The following PPP1R16B variants were observed in gnomAD, a reference collection of about 807,000 sequenced individuals.
PPP1R16B encodes the protein protein phosphatase 1 regulatory subunit 16B.
In PPP1R16B, 14 loss-of-function variants were observed where a neutral mutation model predicts 61.7. The observed-to-expected ratio is 0.23, with a 90% CI of 0.15 to 0.35. The LOEUF (loss-of-function observed/expected upper bound fraction) is 0.35. Among genes scored for constraint, PPP1R16B ranks in the 10% least tolerant of loss-of-function variants. PPP1R16B has a pLI of 1.00. For synonymous variants in PPP1R16B, 266 were observed against 305.3 expected, an observed-to-expected ratio of 0.87 and a Z score of 1.34; for missense variants, 547 against 752.5, an observed-to-expected ratio of 0.73 and a Z score of 3.19.
chr20:38,889,496 C>A, intron 2 of PPP1R16B, 99 bp from the exon 3 acceptor site: 1 of 1,070,570 alleles, frequency 9.3e-7, no homozygotes, highest in Non-Finnish European at 1.4e-6. Context: ...TTACTACATT[C>A]TTCATAGGCC....
chr20:38,894,852 C>T (rs1413618274), intron 3 of PPP1R16B, among the ~76,000 whole-genome samples: 2 of 152,230 alleles, frequency 1.3e-5, no homozygotes, highest in East Asian at 1.9e-4. Context: ...TAGGAGGCTG[C>T]AGGCTGCTGG....
At chr20:38,832,639 C>A (rs1185982049) in intron 1 of PPP1R16B, among the ~76,000 whole-genome samples, 1 of 152,118 alleles carries the variant, frequency 6.6e-6, no homozygotes, top group African/African-American at 2.4e-5. Flanking sequence ...TAAACATGTG[C>A]CAGGCGCGGG....
chr20:38,820,808 G>A (rs1010245812), intron 1 of PPP1R16B, among the ~76,000 whole-genome samples: 7 of 151,742 alleles, frequency 4.6e-5, no homozygotes, highest in Non-Finnish European at 1.0e-4. Flanking sequence ...CGAGGTGGGC[G>A]GATCATGAGG....
intron 1 of PPP1R16B, among the ~76,000 whole-genome samples, chr20:38,833,908 T>C (rs895691421): frequency 7.9e-5 from 12 of 152,176 alleles, no homozygotes; most frequent in African/African-American, 2.9e-4. Flanking sequence ...GAAAGGGCTT[T>C]TGGAGGGGCG....
intron 2 of PPP1R16B, among the ~76,000 whole-genome samples, chr20:38,859,443 C>T (rs1377958217): frequency 2.0e-5 from 3 of 152,132 alleles, no homozygotes; most frequent in Admixed American, 6.5e-5. Context: ...TGGCTCTGCC[C>T]GCTAGATCAG....
Position 38,806,075 on chromosome 20 carries a change from GGCTGCGGCCGTCGTAGACCGA to G in PPP1R16B, c.-102+284_-102+304del, listed in dbSNP as rs2084658378. ...GGAGGGGGCGCATTGGCAGGTTGTT[GGCTGCGGCCGTCGTAGACCGA>G]TCTTGGGGCGGGGAGGTGGGGTCCT... is the stretch of plus-strand genomic sequence containing the variant. On this transcript the variant is annotated intron_variant, in intron 1 of 10. Transcript: ENST00000299824. The surrounding 1 kb of genome is among the most constrained non-coding windows in gnomAD (Gnocchi z 4.5). Among the ~76,000 whole-genome samples the G allele has an allele frequency of 6.6e-6, 1 of 151,978 alleles. No individual in the cohort carries two copies. Among genetic ancestry groups the G allele is most frequent in the Admixed American group, 6.5e-5 (1 of 15,276 alleles).
intron 3 of PPP1R16B, among the ~76,000 whole-genome samples, chr20:38,890,637 G>A (rs2085285235): frequency 1.3e-5 from 2 of 152,238 alleles, no homozygotes; most frequent in Non-Finnish European, 2.9e-5. Context: ...CTCAGACGCT[G>A]AGCTGCCTGA....
intron 1 of PPP1R16B, among the ~76,000 whole-genome samples, chr20:38,834,479 A>G (rs1281264843): frequency 6.6e-6 from 1 of 152,186 alleles, no homozygotes; most frequent in African/African-American, 2.4e-5. Flanking sequence ...TTAGACTTTG[A>G]AATTTTGTTG....
intron 10 of PPP1R16B, among the ~76,000 whole-genome samples, chr20:38,915,360 TA>T (rs1417031917): frequency 6.6e-6 from 1 of 152,224 alleles, no homozygotes; most frequent in African/African-American, 2.4e-5. Flanking sequence ...ACAGCCCTGG[TA>T]TTCTACTTAC....
chr20:38,836,017 C>T lies in PPP1R16B; in HGVS notation c.92C>T (p.Ala31Val), dbSNP rs1280060316. The change falls in exon 2 of 11, where the codon GCC becomes GTC. Residue 31 changes from alanine to valine, a missense_variant. Coordinates refer to ENST00000299824, the MANE Select transcript of PPP1R16B (RefSeq NM_015568.4). ...CTGCGGGCTGCCCAGAAGCGCCGGG[C>T]CCAGCAGCTGAAGAAATGGGCACAG... ...ERLRAAQKRR[A>V]QQLKKWAQYE... is the part of the protein sequence containing the mutation. 8 of 1,591,294 alleles carry T rather than the reference C, an allele frequency of 5.0e-6. No homozygotes were observed. Among genetic ancestry groups the T allele is most frequent in the Non-Finnish European group, 6.8e-6 (8 of 1,170,080 alleles).
chr20:38,845,042 T>C (rs1307899414), intron 2 of PPP1R16B, among the ~76,000 whole-genome samples: 3 of 149,292 alleles, frequency 2.0e-5, no homozygotes, highest in African/African-American at 7.4e-5. Context: ...AGGCACCGTA[T>C]GGAGAGGGCT....
At chr20:38,882,098 C>T (rs747764762) in intron 2 of PPP1R16B, among the ~76,000 whole-genome samples, 9 of 152,162 alleles carry the variant, frequency 5.9e-5, no homozygotes, top group Non-Finnish European at 1.2e-4. Context: ...ATTATGAGGA[C>T]TAATTGACTT....
intron 2 of PPP1R16B, among the ~76,000 whole-genome samples, chr20:38,875,961 G>T (rs2085162742): frequency 7.0e-6 from 1 of 143,876 alleles, no homozygotes; most frequent in African/African-American, 2.7e-5. Context: ...ATGAGACTGT[G>T]GTTTTGAACT....
chr20:38,869,428 G>A (rs544621705), intron 2 of PPP1R16B, among the ~76,000 whole-genome samples: 3 of 152,182 alleles, frequency 2.0e-5, no homozygotes, highest in African/African-American at 4.8e-5. Context: ...CAAAGTGTTG[G>A]GATTACAGGC....
intron 2 of PPP1R16B, among the ~76,000 whole-genome samples, chr20:38,886,363 T>C (rs1422770193): frequency 6.6e-6 from 1 of 152,148 alleles, no homozygotes; most frequent in African/African-American, 2.4e-5. Flanking sequence ...AACACCCCAA[T>C]AATTACTGTG....
At chr20:38,851,983 C>A (rs2084971970) in intron 2 of PPP1R16B, among the ~76,000 whole-genome samples, 2 of 151,904 alleles carry the variant, frequency 1.3e-5, no homozygotes, top group South Asian at 4.2e-4. Context: ...CAGTAAGTCA[C>A]AATTGTGCCA....
At chr20:38,815,688 C>A (rs1233487154) in intron 1 of PPP1R16B, among the ~76,000 whole-genome samples, 1 of 152,204 alleles carries the variant, frequency 6.6e-6, no homozygotes, top group African/African-American at 2.4e-5. Flanking sequence ...GTCAGTCTGA[C>A]AGATATAAAG....
rs371876589 is a variant in PPP1R16B at position 38,908,070 on chromosome 20, G to A, written c.1071G>A (p.Leu357=). The A allele has an allele frequency of 6.2e-6, 10 of 1,614,118 alleles. No homozygotes were observed. Among genetic ancestry groups the A allele is most frequent in the African/African-American group, 2.7e-5 (2 of 74,928 alleles). ...RRASLSDRTN[L]YRKEYEGEAI... ...CCAGCCTGTCGGACAGGACCAACCT[G>A]TATAGGAAGGAGTATGAGGGAGAGG... is the stretch of plus-strand genomic sequence containing the variant. The change falls in exon 10 of 11, where the codon CTG becomes CTA. Residue 357 remains leucine (L), a synonymous_variant. Transcript: ENST00000299824.
At chr20:38,839,854 C>A (rs961310387) in intron 2 of PPP1R16B, among the ~76,000 whole-genome samples, 1 of 152,200 alleles carries the variant, frequency 6.6e-6, no homozygotes, top group African/African-American at 2.4e-5. Context: ...CCAGTAGCTT[C>A]GCTTTTGCCA....
Sources: allele counts gnomAD v4.1 joint callset (sites outside exome capture counted in the v4.1 genomes callset), GRCh38; gene constraint gnomAD v4.1.1; non-coding constraint Gnocchi (gnomAD v3.1); transcripts MANE v1.5; gene names NCBI Gene and HGNC (gene_info 2026-07-23, HGNC 2026-07-21).